The following WAC variants were observed in gnomAD, a reference collection of about 807,000 sequenced individuals.
WAC encodes the protein WW domain-containing adapter protein with coiled-coil.
A neutral mutation model predicts 79.6 loss-of-function variants in WAC; 11 were observed. The observed-to-expected ratio is 0.14, with a 90% CI of 0.09 to 0.23. WAC has a LOEUF of 0.23. Ranked by LOEUF, WAC falls within the 10% of genes least tolerant of loss-of-function variation. The probability of loss-of-function intolerance (pLI) is 1.00; values close to 1 mark genes in which losing one functional copy is unlikely to be tolerated. For synonymous variants in WAC, 304 were observed against 276.9 expected, an observed-to-expected ratio of 1.10 and a Z score of -0.97; for missense variants, 728 against 773.5, an observed-to-expected ratio of 0.94 and a Z score of 0.70.
chr10:28,542,995 A>G (rs1404416339), intron 3 of WAC, among the ~76,000 whole-genome samples: 1 of 152,212 alleles, frequency 6.6e-6, no homozygotes, highest in African/African-American at 2.4e-5. Flanking sequence ...TAGTGCCTGA[A>G]ACTTTATAGC....
intron 3 of WAC, among the ~76,000 whole-genome samples, chr10:28,560,270 G>A (rs577833857): frequency 6.6e-6 from 1 of 152,228 alleles, no homozygotes; most frequent in Admixed American, 6.5e-5. Flanking sequence ...ACCTGAGGGG[G>A]CAATCACAGA....
chr10:28,556,363 T>C (rs1837986289), intron 3 of WAC, among the ~76,000 whole-genome samples: 3 of 147,732 alleles, frequency 2.0e-5, no homozygotes. Context: ...TTAAAAATGG[T>C]AGATTCAATT....
intron 6 of WAC, 56 bp from the exon 7 acceptor site, chr10:28,595,677 T>TTTTTCTTCCC: frequency 6.5e-7 from 1 of 1,528,902 alleles, no homozygotes; most frequent in Non-Finnish European, 8.9e-7. Flanking sequence ...AATGTAATCT[T>TTTTTCTTCCC]TTTTCTTCCC....
intron 8 of WAC, 108 bp from the exon 9 acceptor site, chr10:28,610,591 A>G (rs1313943387): frequency 3.0e-5 from 35 of 1,169,140 alleles, no homozygotes; most frequent in East Asian, 2.6e-5. Flanking sequence ...TGAGAGTTCT[A>G]GGTTGAAATA....
At chr10:28,578,933 A>G (rs181665474) in intron 3 of WAC, among the ~76,000 whole-genome samples, 304 of 152,246 alleles carry the variant, frequency 2.0e-3, no homozygotes, top group Admixed American at 4.1e-3. Flanking sequence ...AAGCACTGGA[A>G]GGGAGAATTT....
chr10:28,610,771 C>T lies in WAC; in HGVS notation c.1238C>T (p.Ala413Val), dbSNP rs765703410. The change falls in exon 9 of 14, where the codon GCT (alanine) becomes GTT (valine). Residue 413 changes from alanine (A) to valine (V), a missense_variant. Physicochemically the swap from Ala to Val is moderately conservative, Grantham distance 64. Coordinates refer to ENST00000354911, the MANE Select transcript of WAC (RefSeq NM_016628.5). ...IHKFLTAGPSAFNITSLISQA... is the reference protein window; with the variant it reads ...IHKFLTAGPSVFNITSLISQA... ...AAGTTTCTTACTGCTGGACCATCTG[C>T]TTTCAACATAACGTCTCTGATTTCT... 6.2e-7 allele frequency: 1 copy of T among 1,612,700 alleles called. No individual in the cohort carries two copies. Among genetic ancestry groups the T allele is most frequent in the South Asian group, 1.1e-5 (1 of 90,944 alleles).
intron 13 of WAC, among the ~76,000 whole-genome samples, chr10:28,618,604 CAG>C (rs1453796468): frequency 1.3e-5 from 2 of 152,176 alleles, no homozygotes; most frequent in African/African-American, 4.8e-5. Context: ...CTTAGGAAAA[CAG>C]TATATACAGT....
At chr10:28,539,147 T>G (rs1205736416) in intron 3 of WAC, among the ~76,000 whole-genome samples, 3 of 152,192 alleles carry the variant, frequency 2.0e-5, no homozygotes, top group Admixed American at 1.3e-4. Context: ...TTTGTTTACC[T>G]TAGGATTAGG....
chr10:28,553,700 A>G (rs1266763172), intron 3 of WAC, among the ~76,000 whole-genome samples: 1 of 152,204 alleles, frequency 6.6e-6, no homozygotes, highest in African/African-American at 2.4e-5. Flanking sequence ...TCAGCCTTAT[A>G]TATCCATGGA....
At chr10:28,608,518 T>G in intron 8 of WAC, 87 bp downstream of exon 8, 1 of 1,343,130 alleles carries the variant, frequency 7.4e-7, no homozygotes. Context: ...GGAATGGTCT[T>G]TGTTTTCTTT....
In WAC at chr10:28,589,834, A is replaced by G; in HGVS notation, c.480A>G (p.Pro160=). The G allele has an allele frequency of 6.2e-7, 1 of 1,611,846 alleles. No homozygotes were observed. Among genetic ancestry groups the G allele is most frequent in the Non-Finnish European group, 8.5e-7 (1 of 1,178,124 alleles). ...CAGAAGTTTCACAATGGGAAAAACC[A>G]AAAGAGTGGCTTGAAAGGTAATTAG... is the stretch of plus-strand genomic sequence containing the variant. ...CRTEVSQWEK[P]KEWLEREQRQ... The change falls in exon 5 of 14, where the codon CCA becomes CCG. Residue 160 remains proline (P), a synonymous_variant. Coordinates refer to ENST00000354911, the MANE Select transcript of WAC (RefSeq NM_016628.5).
chr10:28,555,102 A>C (rs749910393), intron 3 of WAC, among the ~76,000 whole-genome samples: 1 of 152,076 alleles, frequency 6.6e-6, no homozygotes, highest in Non-Finnish European at 1.5e-5. Context: ...CAGTTTCCCA[A>C]TTGCCAGGCC....
intron 3 of WAC, among the ~76,000 whole-genome samples, chr10:28,564,770 G>C (rs1002405881): frequency 1.3e-5 from 2 of 152,146 alleles, no homozygotes; most frequent in Non-Finnish European, 2.9e-5. Context: ...ATCACCTTGC[G>C]TAGCTGTAGT....
intron 3 of WAC, among the ~76,000 whole-genome samples, chr10:28,546,882 C>T (rs1264909032): frequency 9.3e-5 from 14 of 150,604 alleles, no homozygotes; most frequent in African/African-American, 3.4e-4. Flanking sequence ...TTTTTTTTAA[C>T]CCAAATCTAT....
At chr10:28,569,364 G>T (rs1838824450) in intron 3 of WAC, among the ~76,000 whole-genome samples, 1 of 152,138 alleles carries the variant, frequency 6.6e-6, no homozygotes, top group Non-Finnish European at 1.5e-5. Context: ...AGTTGTTAAT[G>T]CTTTGTTGGA....
At chr10:28,547,915 C>CTTTTTTTTTTTTTTTTTTTTTTTT (rs11408560) in intron 3 of WAC, among the ~76,000 whole-genome samples, 1 of 132,328 alleles carries the variant, frequency 7.6e-6, no homozygotes, top group African/African-American at 2.8e-5. Context: ...TTCTCTTTTT[C>CTTTTTTTTTTTTTTTTTTTTTTTT]TTTTTTTTTT....
At chr10:28,562,390 A>G (rs1261872645) in intron 3 of WAC, among the ~76,000 whole-genome samples, 1 of 152,024 alleles carries the variant, frequency 6.6e-6, no homozygotes, top group Non-Finnish European at 1.5e-5. Flanking sequence ...GTTTTTTTCC[A>G]GTTTCTTAAG....
At chr10:28,534,062 T>C in intron 2 of WAC, 28 bp downstream of exon 2, 1 of 1,565,664 alleles carries the variant, frequency 6.4e-7, no homozygotes, top group South Asian at 1.2e-5. Flanking sequence ...GGTGGAGGGA[T>C]TGGAAGGGGC....
chr10:28,552,153 A>T (rs1488163003), intron 3 of WAC, among the ~76,000 whole-genome samples: 1 of 152,182 alleles, frequency 6.6e-6, no homozygotes, highest in Non-Finnish European at 1.5e-5. Context: ...CTTTTTAAAA[A>T]TCAATACATT....
Sources: allele counts gnomAD v4.1 joint callset (sites outside exome capture counted in the v4.1 genomes callset), GRCh38; gene constraint gnomAD v4.1.1; transcripts MANE v1.5; gene names NCBI Gene and HGNC (gene_info 2026-07-23, HGNC 2026-07-21).